The following TMEM178B variants were observed in gnomAD, a reference collection of about 807,000 sequenced individuals.
TMEM178B encodes transmembrane protein 178B.
Under a neutral mutation model 31.0 loss-of-function variants are expected in TMEM178B, and 5 were observed. That is an observed-to-expected ratio of 0.16 (90% CI 0.08 to 0.34). TMEM178B has a LOEUF of 0.34. TMEM178B is among the 10% of genes least tolerant of loss of function. The pLI is 1.00. For missense variants in TMEM178B, 275 were observed against 400.3 expected (o/e 0.69, Z 2.67); for synonymous variants, 164 against 164.0 (o/e 1.00, Z 0.00).
At chr7:141,348,207 G>T (rs1478204877) in intron 2 of TMEM178B, among the ~76,000 whole-genome samples, 1 of 152,118 alleles carries the variant, frequency 6.6e-6, no homozygotes, top group East Asian at 1.9e-4. Context: ...TCCAAATTTC[G>T]CAGTTATTTC....
chr7:141,306,621 G>GTTT (rs1168697391), intron 2 of TMEM178B, among the ~76,000 whole-genome samples: 2 of 141,846 alleles, frequency 1.4e-5, no homozygotes, highest in Admixed American at 7.1e-5. Context: ...CTGAGAGTCT[G>GTTT]TTTTTTTTTT....
intron 2 of TMEM178B, among the ~76,000 whole-genome samples, chr7:141,357,515 A>G (rs960609012): frequency 6.6e-6 from 1 of 152,202 alleles, no homozygotes; most frequent in Admixed American, 6.5e-5. Flanking sequence ...AGCCCCTAAG[A>G]TATCTGTGAG....
intron 2 of TMEM178B, among the ~76,000 whole-genome samples, chr7:141,347,026 C>A (rs115646151): frequency 6.6e-6 from 1 of 152,092 alleles, no homozygotes; most frequent in East Asian, 1.9e-4. Context: ...CCCCCTTGCT[C>A]TCTCTCTCCT....
At chr7:141,489,313 G>A in the TMEM178B span, among the ~76,000 whole-genome samples, 2 of 152,142 alleles carry the variant, frequency 1.3e-5, no homozygotes, top group African/African-American at 4.8e-5. Flanking sequence ...TTGCCTTCAA[G>A]TGCATAACAG....
intron 2 of TMEM178B, among the ~76,000 whole-genome samples, chr7:141,287,764 A>G (rs1207708374): frequency 6.6e-6 from 1 of 152,198 alleles, no homozygotes; most frequent in Non-Finnish European, 1.5e-5. Context: ...GGGCCTGAAT[A>G]GTTGAACTCA....
chr7:141,336,915 C>T (rs1275677257), intron 2 of TMEM178B, among the ~76,000 whole-genome samples: 4 of 134,810 alleles, frequency 3.0e-5, no homozygotes, highest in African/African-American at 8.9e-5. Flanking sequence ...ATCATCACCA[C>T]CACCACCACC....
intron 2 of TMEM178B, 147 bp downstream of exon 2, chr7:141,212,851 A>G (rs1797071597): frequency 1.6e-6 from 1 of 613,466 alleles, no homozygotes; most frequent in Admixed American, 2.9e-5. Flanking sequence ...TCTTTGGGTT[A>G]GAATTGCCTC....
intron 2 of TMEM178B, among the ~76,000 whole-genome samples, chr7:141,328,275 G>A (rs1405654227): frequency 6.6e-6 from 1 of 152,108 alleles, no homozygotes; most frequent in African/African-American, 2.4e-5. Flanking sequence ...TTCACACAGT[G>A]GTATGTTCTA....
At chr7:141,396,993 G>C (rs147204980) in intron 2 of TMEM178B, among the ~76,000 whole-genome samples, 1 of 152,178 alleles carries the variant, frequency 6.6e-6, no homozygotes, top group African/African-American at 2.4e-5. Context: ...ATTGAGCTTG[G>C]TTTTTTGTCC....
Position 141,222,188 on chromosome 7 carries a change from A to C in TMEM178B, c.496+9484A>C, listed in dbSNP as rs1003147152. On this transcript the variant is annotated intron_variant, in intron 2 of 3. Coordinates refer to ENST00000565468, the MANE Select transcript of TMEM178B (RefSeq NM_001195278.2). Reference sequence around the variant, plus strand: ...AGATTTGGTAATTTACTTTCCTTCCATATTTCTTGTGGTTAGTTGAATACA... The same window carrying C: ...AGATTTGGTAATTTACTTTCCTTCCCTATTTCTTGTGGTTAGTTGAATACA... Among the ~76,000 whole-genome samples the C allele has an allele frequency of 3.9e-5, 6 of 152,198 alleles. 1 individual carries two copies. Among genetic ancestry groups the C allele is most frequent in the Non-Finnish European group, 8.8e-5 (6 of 68,040 alleles).
intron 3 of TMEM178B, among the ~76,000 whole-genome samples, chr7:141,449,427 C>A (rs1022730061): frequency 6.6e-5 from 10 of 152,240 alleles, no homozygotes; most frequent in Non-Finnish European, 1.0e-4. Context: ...CCAAAAATAG[C>A]CTGACCCAAG....
chr7:141,395,354 C>A (rs1240132715), intron 2 of TMEM178B, among the ~76,000 whole-genome samples: 1 of 152,148 alleles, frequency 6.6e-6, no homozygotes, highest in Non-Finnish European at 1.5e-5. Flanking sequence ...GGCAGGAAGA[C>A]CACTTGAGCC....
rs892389171 is a variant in TMEM178B, at chr7:141,127,664, A to G, written c.382+52972A>G. ...TTGATTTGGGCTTCTGGCCTCCAGAATTGTGAGAGAGTAGATTTCTGTTGT... is the reference window on the plus strand; with the variant it reads ...TTGATTTGGGCTTCTGGCCTCCAGAGTTGTGAGAGAGTAGATTTCTGTTGT... On this transcript the variant is annotated intron_variant, in intron 1 of 3. Coordinates refer to ENST00000565468, the MANE Select transcript of TMEM178B (RefSeq NM_001195278.2). Among the ~76,000 whole-genome samples the G allele has an allele frequency of 7.7e-4, 117 of 152,302 alleles. 1 individual carries two copies. Among genetic ancestry groups the G allele is most frequent in the African/African-American group, 2.7e-3 (114 of 41,566 alleles).
At chr7:141,409,467 G>A (rs149578102) in intron 2 of TMEM178B, among the ~76,000 whole-genome samples, 211 of 152,320 alleles carry the variant, frequency 1.4e-3, no homozygotes, top group African/African-American at 4.9e-3. Context: ...TCTGTATAAT[G>A]AGGATGGCAG....
At chr7:141,330,973 A>G (rs930753952) in intron 2 of TMEM178B, among the ~76,000 whole-genome samples, 1 of 152,228 alleles carries the variant, frequency 6.6e-6, no homozygotes, top group South Asian at 2.1e-4. Flanking sequence ...TGTGAGAGAA[A>G]GAAAAGTCAA....
intron 1 of TMEM178B, among the ~76,000 whole-genome samples, chr7:141,148,337 C>A (rs186679590): frequency 6.6e-6 from 1 of 152,160 alleles, no homozygotes; most frequent in East Asian, 1.9e-4. Context: ...CAGGTTCCAG[C>A]GATTAGGATG....
chr7:141,146,680 G>A (rs1795858261), intron 1 of TMEM178B, among the ~76,000 whole-genome samples: 1 of 152,164 alleles, frequency 6.6e-6, no homozygotes. Context: ...GCCTTATTGT[G>A]TAGCAGCATG....
chr7:141,182,145 C>G lies in TMEM178B; in HGVS notation c.383-30446C>G, dbSNP rs578248876. ...ATGACACAGAGAAAGATTTTGGGGGCCTGGACAGTCAGGGGTCTGGAACCA... is the reference window on the plus strand; with the variant it reads ...ATGACACAGAGAAAGATTTTGGGGGGCTGGACAGTCAGGGGTCTGGAACCA... On this transcript the variant is annotated intron_variant, in intron 1 of 3. Transcript: ENST00000565468. Among the ~76,000 whole-genome samples the G allele has an allele frequency of 3.4e-4, 51 of 151,924 alleles. No homozygotes were observed. In the South Asian group the frequency reaches 0.01, roughly 30 times the overall value.
chr7:141,156,127 A>T (rs774032635), intron 1 of TMEM178B, among the ~76,000 whole-genome samples: 7 of 152,072 alleles, frequency 4.6e-5, no homozygotes, highest in Non-Finnish European at 8.8e-5. Flanking sequence ...TCCCTTAGAC[A>T]CTTGAGCTTA....
Sources: allele counts gnomAD v4.1 joint callset (sites outside exome capture counted in the v4.1 genomes callset), GRCh38; gene constraint gnomAD v4.1.1; transcripts MANE v1.5; gene names NCBI Gene and HGNC (gene_info 2026-07-23, HGNC 2026-07-21).